Variants in GJB7 observed in about 807,000 individuals in gnomAD.
The protein encoded by GJB7 is gap junction protein beta 7.
For missense variants in GJB7, 253 were observed against 256.8 expected (o/e 0.99, Z 0.10); for synonymous variants, 87 against 95.2 (o/e 0.91, Z 0.50).
At chr6:87,323,362 G>A (rs933892231) in intron 1 of GJB7, among the ~76,000 whole-genome samples, 11 of 152,050 alleles carry the variant, frequency 7.2e-5, no homozygotes, top group African/African-American at 2.4e-4. Flanking sequence ...CCATGCTGGT[G>A]CGATGCACCC....
At chr6:87,324,049 T>C (rs1776751701) in intron 1 of GJB7, among the ~76,000 whole-genome samples, 1 of 150,234 alleles carries the variant, frequency 6.7e-6, no homozygotes, top group Admixed American at 6.6e-5. Context: ...TTTTCATGTG[T>C]GTTTTGGCTG....
At chr6:87,312,474 G>A (rs1052305843) in intron 2 of GJB7, among the ~76,000 whole-genome samples, 1 of 144,378 alleles carries the variant, frequency 6.9e-6, no homozygotes, top group Non-Finnish European at 1.5e-5. Context: ...TGACACCACT[G>A]CACTCTAGCC....
intron 2 of GJB7, among the ~76,000 whole-genome samples, chr6:87,319,069 A>G (rs1776622304): frequency 6.6e-6 from 1 of 152,180 alleles, no homozygotes; most frequent in African/African-American, 2.4e-5. Context: ...ATTAAAATAG[A>G]TATCATTGGT....
chr6:87,325,162 T>G (rs1054704266), intron 1 of GJB7, among the ~76,000 whole-genome samples: 1 of 152,194 alleles, frequency 6.6e-6, no homozygotes, highest in African/African-American at 2.4e-5. Context: ...TAAGGAGATG[T>G]TGGGCTGAGA....
chr6:87,322,927 C>G lies in GJB7; in HGVS notation c.-89G>C, dbSNP rs2127913154. ...GACACCCCCACCCCGAGAACTCTCTCGTTTCCTGCAGTTTCTTAGTGTCTT... is the reference window on the plus strand; with the variant it reads ...GACACCCCCACCCCGAGAACTCTCTGGTTTCCTGCAGTTTCTTAGTGTCTT... On this transcript the variant is annotated 5_prime_UTR_variant, in exon 2 of 3. Transcript: ENST00000525899. The G allele has an allele frequency of 6.6e-6, 1 of 152,444 alleles. No individual in the cohort carries two copies. The highest frequency in any genetic ancestry group is 2.1e-4 in the South Asian group (1 of 4,826). 9.4% of individuals were successfully genotyped at this position (152,444 alleles called of 1,614,324 possible).
In GJB7 at chr6:87,284,948, T is replaced by C. The variant is rs755785335; in HGVS notation, c.-27-9A>G. On this transcript the variant is annotated splice_polypyrimidine_tract_variant and intron_variant, in intron 2 of 2. Transcript: ENST00000525899. ...CAAAAGAAGGCAAGACTCTGCAAAA[T>C]AAGACAATTTCATCAGGATCCATTT... 4 of 1,493,464 alleles carry C rather than the reference T, an allele frequency of 2.7e-6. No individual in the cohort carries two copies. Among genetic ancestry groups the C allele is most frequent in the Admixed American group, 1.9e-5 (1 of 53,194 alleles). The allele number at this position is 1,493,464 out of a possible 1,614,324, so 92.5% of individuals were successfully genotyped here.
chr6:87,297,076 C>A (rs1245936478), intron 2 of GJB7, among the ~76,000 whole-genome samples: 1 of 152,190 alleles, frequency 6.6e-6, no homozygotes. Context: ...ACAGCTGTCT[C>A]TTTCTACTGT....
chr6:87,305,088 T>C (rs879811571), intron 2 of GJB7, among the ~76,000 whole-genome samples: 4 of 152,176 alleles, frequency 2.6e-5, no homozygotes, highest in Non-Finnish European at 4.4e-5. Context: ...GGGCAAAAAC[T>C]GGAAGCATTC....
chr6:87,304,273 A>G (rs947889919), intron 2 of GJB7, among the ~76,000 whole-genome samples: 2 of 152,220 alleles, frequency 1.3e-5, no homozygotes, highest in Non-Finnish European at 2.9e-5. Context: ...AAATTGATAG[A>G]CCGCTAGCAA....
At chr6:87,302,923 A>C (rs558414859) in intron 2 of GJB7, among the ~76,000 whole-genome samples, 1 of 152,354 alleles carries the variant, frequency 6.6e-6, no homozygotes, top group East Asian at 1.9e-4. Context: ...GTGTCCAGCC[A>C]AACTAAGCTT....
At chr6:87,296,876 C>T (rs1293865761) in intron 2 of GJB7, among the ~76,000 whole-genome samples, 2 of 152,154 alleles carry the variant, frequency 1.3e-5, no homozygotes, top group African/African-American at 4.8e-5. Context: ...AGCCGACATT[C>T]TAAATTAGCC....
At chr6:87,322,264 G>A (rs888900315) in intron 2 of GJB7, 1 of 152,176 alleles carries the variant, frequency 6.6e-6, no homozygotes, top group African/African-American at 2.4e-5. Flanking sequence ...AAATCAGAAT[G>A]CTTTCCACTT....
intron 2 of GJB7, among the ~76,000 whole-genome samples, chr6:87,309,731 G>A (rs960573469): frequency 6.6e-6 from 1 of 152,156 alleles, no homozygotes; most frequent in Non-Finnish European, 1.5e-5. Context: ...TCTGGTGGCT[G>A]TAAGACAGTG....
chr6:87,284,395 G>T lies in GJB7; in HGVS notation c.518C>A (p.Pro173His), dbSNP rs769642989. The change falls in exon 3 of 3, where the codon CCC becomes CAC. Residue 173 changes from proline to histidine, a missense_variant. Coordinates refer to ENST00000525899, the MANE Select transcript of GJB7 (RefSeq NM_198568.3). ...GAGGATGAAGATCGTCTTCTCAGTG[G>T]GTTTGGAGATGAAGCAGTCCACAGT... ...PNTVDCFISK[P>H]TEKTIFILFL... 109 of 1,613,924 alleles carry T rather than the reference G, an allele frequency of 6.8e-5. 2 individuals carry two copies. The South Asian group carries it at 1.2e-3, about 17-fold the overall frequency.
At chr6:87,318,119 ATT>A (rs34345524) in intron 2 of GJB7, among the ~76,000 whole-genome samples, 14 of 144,238 alleles carry the variant, frequency 9.7e-5, no homozygotes, top group East Asian at 2.0e-4. Flanking sequence ...TCCCCATTCT[ATT>A]TTTTTTTTTT....
intron 2 of GJB7, among the ~76,000 whole-genome samples, chr6:87,308,807 A>C (rs1776471951): frequency 6.6e-6 from 1 of 151,630 alleles, no homozygotes; most frequent in South Asian, 2.1e-4. Flanking sequence ...AGGCAACCAG[A>C]TAAAAAAAAA....
intron 2 of GJB7, among the ~76,000 whole-genome samples, chr6:87,295,699 C>T (rs1205807273): frequency 6.6e-6 from 1 of 152,142 alleles, no homozygotes; most frequent in East Asian, 1.9e-4. Flanking sequence ...AATCTAGTGG[C>T]ATGAAGGACG....
intron 2 of GJB7, among the ~76,000 whole-genome samples, chr6:87,314,270 C>G (rs1356051958): frequency 6.6e-6 from 1 of 152,160 alleles, no homozygotes; most frequent in Admixed American, 6.5e-5. Context: ...TTAGCCCTCC[C>G]TACCCAAGGG....
At chr6:87,312,447 G>A (rs1776523344) in intron 2 of GJB7, among the ~76,000 whole-genome samples, 1 of 150,658 alleles carries the variant, frequency 6.6e-6, no homozygotes, top group Admixed American at 6.7e-5. Flanking sequence ...CGAGGCGGAG[G>A]TTGCAGTGAG....
Sources: gnomAD v4.1 joint callset for allele counts (sites outside exome capture counted in the v4.1 genomes callset) on GRCh38, gnomAD v4.1.1 for gene constraint, MANE v1.5 for transcripts, NCBI Gene and HGNC (gene_info 2026-07-23, HGNC 2026-07-21) for gene names.